The following STK32B variants were observed in gnomAD, a reference collection of about 807,000 sequenced individuals.
STK32B encodes serine/threonine kinase 32B, also known as serine/threonine-protein kinase 32B.
In STK32B, 43 loss-of-function variants were observed where a neutral mutation model predicts 52.6. That is an observed-to-expected ratio of 0.82 (90% CI 0.64 to 1.05). STK32B has a LOEUF of 1.05. Ranked by LOEUF, STK32B falls within the 50% of genes least tolerant of loss-of-function variation. The pLI, the probability that STK32B is intolerant of heterozygous loss-of-function variation, is 0.00. For synonymous variants in STK32B, 238 were observed against 204.3 expected (o/e 1.17, Z -1.41); for missense variants, 621 against 534.6 (o/e 1.16, Z -1.59).
At chr4:5,478,757 C>G (rs1007331084) in intron 11 of STK32B, among the ~76,000 whole-genome samples, 1 of 152,082 alleles carries the variant, frequency 6.6e-6, no homozygotes, top group Non-Finnish European at 1.5e-5. Flanking sequence ...TCCCCGGAGG[C>G]TGGAGGAGAT....
intron 11 of STK32B, among the ~76,000 whole-genome samples, chr4:5,482,391 G>A (rs189826152): frequency 2.0e-5 from 3 of 152,252 alleles, no homozygotes; most frequent in Admixed American, 6.5e-5. Context: ...CTGTTTGTCT[G>A]TTATTGGTGT....
chr4:5,031,013 G>A, the STK32B span, among the ~76,000 whole-genome samples: 1 of 151,872 alleles, frequency 6.6e-6, no homozygotes, highest in Non-Finnish European at 1.5e-5. Context: ...ATTTTGCAAG[G>A]CAGACTGACA....
Position 5,357,094 on chromosome 4 carries a change from C to CACACACACACATGTATAT in STK32B, c.434+25712_434+25713insTGTATATACACACACACA, listed in dbSNP as rs1560348589. 1.7e-3 allele frequency among the ~76,000 whole-genome samples: 177 copies of CACACACACACATGTATAT among 103,678 alleles called. 1 individual carries two copies. The highest frequency in any genetic ancestry group is 5.8e-3 in the African/African-American group (169 of 29,300). The allele number at this position is 103,678 out of a possible 152,430, so 68.0% of individuals were successfully genotyped here. ...ATATACACACACACACGTATACACA[C>CACACACACACATGTATAT]ACACACACACACACACATATATATA... On this transcript the variant is annotated intron_variant, in intron 4 of 11. Transcript: ENST00000282908.
chr4:5,381,530 C>G (rs1225319933), intron 4 of STK32B, among the ~76,000 whole-genome samples: 1 of 152,212 alleles, frequency 6.6e-6, no homozygotes, highest in African/African-American at 2.4e-5. Flanking sequence ...GTAGCCAGTT[C>G]AGTGTGGCAT....
intron 3 of STK32B, among the ~76,000 whole-genome samples, chr4:5,234,962 C>A (rs562133939): frequency 6.6e-6 from 1 of 152,310 alleles, no homozygotes; most frequent in Non-Finnish European, 1.5e-5. Context: ...AAGGAGGTGC[C>A]CTTCCTGAGA....
At chr4:5,177,151 A>T (rs1719970784) in intron 3 of STK32B, among the ~76,000 whole-genome samples, 1 of 152,186 alleles carries the variant, frequency 6.6e-6, no homozygotes, top group Non-Finnish European at 1.5e-5. Context: ...AGACTGGGTG[A>T]TTTATAAAGG....
At chr4:5,133,234 T>C (rs1715885207) in intron 1 of STK32B, among the ~76,000 whole-genome samples, 1 of 152,234 alleles carries the variant, frequency 6.6e-6, no homozygotes, top group Non-Finnish European at 1.5e-5. Flanking sequence ...GAAGGCAACA[T>C]ATACTCAGTC....
chr4:5,497,416 G>C (rs374934887), intron 11 of STK32B, among the ~76,000 whole-genome samples: 26 of 152,204 alleles, frequency 1.7e-4, no homozygotes, highest in African/African-American at 6.0e-4. Context: ...CCATCACCAA[G>C]GCCTCAACCC....
chr4:5,212,396 G>T (rs1459686909), intron 3 of STK32B, among the ~76,000 whole-genome samples: 1 of 152,134 alleles, frequency 6.6e-6, no homozygotes, highest in Non-Finnish European at 1.5e-5. Context: ...ACTGTCTGTG[G>T]GCTTACTGTC....
At chr4:5,323,770 G>C (rs1731684295) in intron 3 of STK32B, among the ~76,000 whole-genome samples, 3 of 152,164 alleles carry the variant, frequency 2.0e-5, no homozygotes, top group Admixed American at 2.0e-4. Flanking sequence ...GCAGGGGATG[G>C]TGCTGAATTA....
At chr4:5,429,659 T>C (rs1035642627) in intron 6 of STK32B, among the ~76,000 whole-genome samples, 1 of 152,152 alleles carries the variant, frequency 6.6e-6, no homozygotes, top group African/African-American at 2.4e-5. Flanking sequence ...TTTGCTATTT[T>C]CATATTCTTT....
At chr4:5,365,309 A>G (rs1352758025) in intron 4 of STK32B, among the ~76,000 whole-genome samples, 1 of 152,048 alleles carries the variant, frequency 6.6e-6, no homozygotes, top group Non-Finnish European at 1.5e-5. Context: ...TGCCTCCTCC[A>G]CCAGACCAAG....
intron 2 of STK32B, among the ~76,000 whole-genome samples, chr4:5,160,834 G>A (rs921044557): frequency 3.3e-5 from 5 of 152,346 alleles, no homozygotes; most frequent in South Asian, 2.1e-4. Context: ...GGAGGCTGGG[G>A]TGCTGGGGAC....
chr4:5,039,997 T>C, the STK32B span, among the ~76,000 whole-genome samples: 3 of 152,190 alleles, frequency 2.0e-5, no homozygotes, highest in African/African-American at 7.2e-5. Flanking sequence ...GGCTACTTCC[T>C]TGTGGTTGCT....
At chr4:5,065,867 G>A (rs1298156587) in intron 1 of STK32B, among the ~76,000 whole-genome samples, 1 of 152,000 alleles carries the variant, frequency 6.6e-6, no homozygotes, top group Admixed American at 6.6e-5. Context: ...GCGATTACAG[G>A]CATTCACCAC....
chr4:5,061,809 A>G (rs1742228636), intron 1 of STK32B, among the ~76,000 whole-genome samples: 1 of 152,156 alleles, frequency 6.6e-6, no homozygotes, highest in Admixed American at 6.5e-5. Flanking sequence ...CCTGATGTTC[A>G]GTGTTTGTCG....
chr4:5,053,141 C>G (rs1741855797), intron 1 of STK32B, among the ~76,000 whole-genome samples: 1 of 152,184 alleles, frequency 6.6e-6, no homozygotes, highest in Non-Finnish European at 1.5e-5. Flanking sequence ...TGAACACAGT[C>G]AAGGTTAAGT....
At chr4:5,432,360 G>C (rs1274628898) in intron 6 of STK32B, 1 of 152,216 alleles carries the variant, frequency 6.6e-6, no homozygotes, top group Non-Finnish European at 1.5e-5. Context: ...CCCAGTGGGG[G>C]AGATGGACAT....
At chr4:5,277,715 A>G (rs1481116815) in intron 3 of STK32B, among the ~76,000 whole-genome samples, 1 of 152,230 alleles carries the variant, frequency 6.6e-6, no homozygotes, top group African/African-American at 2.4e-5. Context: ...CATAGTGTTC[A>G]GATTGCCAGA....
Sources: gnomAD v4.1 joint callset for allele counts (sites outside exome capture counted in the v4.1 genomes callset) on GRCh38, gnomAD v4.1.1 for gene constraint, MANE v1.5 for transcripts, NCBI Gene and HGNC (gene_info 2026-07-23, HGNC 2026-07-21) for gene names.